The following GRM5 variants were observed in gnomAD, a reference collection of about 807,000 sequenced individuals.
GRM5 encodes the protein metabotropic glutamate receptor 5.
A neutral mutation model predicts 83.1 loss-of-function variants in GRM5; 19 were observed. The observed-to-expected ratio is 0.23, with a 90% CI of 0.16 to 0.34. The LOEUF (loss-of-function observed/expected upper bound fraction) is 0.34. GRM5 is among the 10% of genes least tolerant of loss of function. The probability of loss-of-function intolerance (pLI) is 1.00; values close to 1 mark genes in which losing one functional copy is unlikely to be tolerated. For synonymous variants in GRM5, 675 were observed against 633.6 expected (o/e 1.07, Z -0.98); for missense variants, 1,160 against 1,588.3 (o/e 0.73, Z 4.58).
chr11:88,943,388 C>A (rs1286354853), intron 2 of GRM5, among the ~76,000 whole-genome samples: 1 of 152,060 alleles, frequency 6.6e-6, no homozygotes, highest in Non-Finnish European at 1.5e-5. Flanking sequence ...TTCAGATAAT[C>A]ATTTTCACCA....
chr11:89,058,864 G>A (rs368677952), intron 1 of GRM5, among the ~76,000 whole-genome samples: 3 of 152,124 alleles, frequency 2.0e-5, no homozygotes, highest in Non-Finnish European at 2.9e-5. Flanking sequence ...TAACAAGACT[G>A]CAACAATAAC....
At position 88,564,204 on chromosome 11, in the gene GRM5, A is replaced by T. The variant is rs545972584; in HGVS notation, c.2630+2849T>A. Among the ~76,000 whole-genome samples the T allele has an allele frequency of 2.0e-5, 3 of 152,336 alleles. No individual in the cohort carries two copies. The East Asian group carries it at 5.8e-4, about 29-fold the overall frequency. On this transcript the variant is annotated intron_variant, in intron 8 of 9. Coordinates refer to ENST00000305447, the MANE Select transcript of GRM5 (RefSeq NM_001143831.3). ...ACAGATCAAGATTTGCCAAGATTGC[A>T]GAAAGAAGACCAAACACTTGCCAAA...
At chr11:88,880,097 G>C (rs1191891612) in intron 2 of GRM5, among the ~76,000 whole-genome samples, 3 of 152,014 alleles carry the variant, frequency 2.0e-5, no homozygotes, top group African/African-American at 7.2e-5. Flanking sequence ...AGCCAGCCAA[G>C]TCTTAGACAA....
chr11:88,611,367 C>T (rs1455159350), intron 4 of GRM5, among the ~76,000 whole-genome samples: 2 of 152,012 alleles, frequency 1.3e-5, no homozygotes, highest in African/African-American at 4.8e-5. Context: ...GGCTGGTAGG[C>T]TTTTTATTTC....
chr11:88,889,994 C>T (rs1197637173), intron 2 of GRM5, among the ~76,000 whole-genome samples: 14 of 152,142 alleles, frequency 9.2e-5, no homozygotes. Context: ...TATCAAAATA[C>T]TTCACATTAG....
chr11:88,865,964 G>A (rs1241710945), intron 2 of GRM5, among the ~76,000 whole-genome samples: 3 of 152,158 alleles, frequency 2.0e-5, no homozygotes, highest in Non-Finnish European at 4.4e-5. Flanking sequence ...TGGTGGAAGT[G>A]TAAATTAGTT....
At chr11:89,000,437 C>G (rs1468402982) in intron 2 of GRM5, among the ~76,000 whole-genome samples, 1 of 151,958 alleles carries the variant, frequency 6.6e-6, no homozygotes, top group Non-Finnish European at 1.5e-5. Flanking sequence ...TGATTTTTGA[C>G]AAAGGTATTA....
chr11:89,017,958 T>G (rs1940899888), intron 2 of GRM5, among the ~76,000 whole-genome samples: 1 of 152,092 alleles, frequency 6.6e-6, no homozygotes, highest in Non-Finnish European at 1.5e-5. Flanking sequence ...TCCCTCCTAC[T>G]CTTTCAGTTA....
chr11:88,586,780 T>C (rs1022018455), intron 7 of GRM5, among the ~76,000 whole-genome samples: 1 of 152,008 alleles, frequency 6.6e-6, no homozygotes, highest in Non-Finnish European at 1.5e-5. Flanking sequence ...CATTTCTAGG[T>C]TTGGCATTTT....
At chr11:89,060,101 A>G (rs1270610123) in intron 1 of GRM5, among the ~76,000 whole-genome samples, 1 of 152,130 alleles carries the variant, frequency 6.6e-6, no homozygotes, top group Non-Finnish European at 1.5e-5. Flanking sequence ...AAACCACAGT[A>G]AAATAATCCC....
At chr11:88,821,168 G>C (rs560352727) in intron 3 of GRM5, among the ~76,000 whole-genome samples, 23 of 151,960 alleles carry the variant, frequency 1.5e-4, no homozygotes, top group African/African-American at 5.6e-4. Flanking sequence ...TCTGTCCTGA[G>C]AATCTATTTG....
intron 2 of GRM5, among the ~76,000 whole-genome samples, chr11:88,979,932 T>A (rs573801235): frequency 6.6e-6 from 1 of 152,322 alleles, no homozygotes; most frequent in African/African-American, 2.4e-5. Context: ...AGACCTCACA[T>A]TGGCCTAACC....
chr11:88,810,402 A>G (rs1445722455), intron 3 of GRM5, among the ~76,000 whole-genome samples: 1 of 152,144 alleles, frequency 6.6e-6, no homozygotes, highest in Non-Finnish European at 1.5e-5. Flanking sequence ...TCAAATATCA[A>G]TTCTGTACAA....
chr11:88,921,620 A>G (rs1945694717), intron 2 of GRM5, among the ~76,000 whole-genome samples: 1 of 108,130 alleles, frequency 9.2e-6, no homozygotes, highest in South Asian at 4.1e-4. Flanking sequence ...ACAGAGTGAG[A>G]CTCCATTTAA....
chr11:88,749,893 A>T (rs1296118783), intron 3 of GRM5, among the ~76,000 whole-genome samples: 2 of 152,156 alleles, frequency 1.3e-5, no homozygotes, highest in East Asian at 3.9e-4. Flanking sequence ...ATGCTGAGGG[A>T]ATTCTTCACC....
At chr11:88,949,534 A>G (rs1399918301) in intron 2 of GRM5, among the ~76,000 whole-genome samples, 2 of 152,370 alleles carry the variant, frequency 1.3e-5, no homozygotes, top group East Asian at 3.9e-4. Flanking sequence ...AAACACTTCA[A>G]GTAATTGACC....
intron 3 of GRM5, among the ~76,000 whole-genome samples, chr11:88,846,797 A>G (rs1199144642): frequency 6.6e-6 from 1 of 152,200 alleles, no homozygotes; most frequent in Non-Finnish European, 1.5e-5. Context: ...AAATAACACT[A>G]GAATACTGAA....
chr11:89,055,295 G>A (rs1475783158), intron 1 of GRM5, among the ~76,000 whole-genome samples: 1 of 152,152 alleles, frequency 6.6e-6, no homozygotes, highest in African/African-American at 2.4e-5. Flanking sequence ...ATTGGCAATT[G>A]GAGTGACAGC....
intron 3 of GRM5, among the ~76,000 whole-genome samples, chr11:88,707,110 T>C (rs755360485): frequency 2.6e-5 from 4 of 152,018 alleles, no homozygotes; most frequent in Non-Finnish European, 5.9e-5. Flanking sequence ...GATCCTGGCT[T>C]AGTGATTAAG....
Sources: gnomAD v4.1 joint callset for allele counts (sites outside exome capture counted in the v4.1 genomes callset) on GRCh38, gnomAD v4.1.1 for gene constraint, MANE v1.5 for transcripts, NCBI Gene and HGNC (gene_info 2026-07-23, HGNC 2026-07-21) for gene names.